PTPRD: variants seen among roughly 807,000 people sequenced by gnomAD.
PTPRD encodes the protein receptor-type tyrosine-protein phosphatase delta.
Under a neutral mutation model 214.5 loss-of-function variants are expected in PTPRD, and 34 were observed. The ratio of observed to expected loss-of-function variants is 0.16; its 90% CI spans 0.12 to 0.21. The LOEUF is 0.21. Ranked by LOEUF, PTPRD falls within the 10% of genes least tolerant of loss-of-function variation. The pLI is 1.00. For synonymous variants in PTPRD, 1,128 were observed against 845.7 expected (o/e 1.33, Z -5.79); for missense variants, 2,545 against 2,398.7 (o/e 1.06, Z -1.27).
chr9:8,927,223 T>C (rs915784361), intron 11 of PTPRD, among the ~76,000 whole-genome samples: 1 of 152,150 alleles, frequency 6.6e-6, no homozygotes, highest in African/African-American at 2.4e-5. Flanking sequence ...CTCATATTTA[T>C]TTATTTATTT....
At chr9:9,327,378 C>G (rs892577181) in intron 9 of PTPRD, among the ~76,000 whole-genome samples, 2 of 152,042 alleles carry the variant, frequency 1.3e-5, no homozygotes, top group African/African-American at 4.8e-5. Flanking sequence ...GAAATGGAAA[C>G]AGTTATTTGA....
At chr9:8,724,261 C>G (rs2098533929) in intron 12 of PTPRD, among the ~76,000 whole-genome samples, 1 of 152,158 alleles carries the variant, frequency 6.6e-6, no homozygotes, top group African/African-American at 2.4e-5. Flanking sequence ...CTTTAGGTCC[C>G]TTCTTAACAT....
At chr9:9,361,956 C>T (rs1303032146) in intron 9 of PTPRD, among the ~76,000 whole-genome samples, 1 of 151,016 alleles carries the variant, frequency 6.6e-6, no homozygotes, top group African/African-American at 2.4e-5. Context: ...TGGATATTTA[C>T]CATAATAATT....
intron 7 of PTPRD, among the ~76,000 whole-genome samples, chr9:9,630,897 A>C (rs969088754): frequency 2.0e-5 from 3 of 152,220 alleles, no homozygotes; most frequent in African/African-American, 7.2e-5. Flanking sequence ...TTTGTCAATT[A>C]AAACATAAGG....
At chr9:9,249,257 C>T (rs926889246) in intron 9 of PTPRD, among the ~76,000 whole-genome samples, 8 of 151,966 alleles carry the variant, frequency 5.3e-5, no homozygotes, top group African/African-American at 1.9e-4. Context: ...GCTCCTCCTT[C>T]GACTTCCATC....
intron 2 of PTPRD, among the ~76,000 whole-genome samples, chr9:10,468,011 G>T (rs765118408): frequency 6.6e-6 from 1 of 152,154 alleles, no homozygotes; most frequent in Non-Finnish European, 1.5e-5. Flanking sequence ...ACAGAGGCTG[G>T]AAAGGATGTG....
intron 2 of PTPRD, among the ~76,000 whole-genome samples, chr9:10,533,386 A>T (rs749293107): frequency 6.6e-6 from 1 of 152,164 alleles, no homozygotes; most frequent in Non-Finnish European, 1.5e-5. Context: ...GACAAGGAAA[A>T]ATATTCTTAT....
intron 5 of PTPRD, among the ~76,000 whole-genome samples, chr9:9,857,755 C>T (rs1432712084): frequency 6.6e-6 from 1 of 152,200 alleles, no homozygotes; most frequent in East Asian, 1.9e-4. Flanking sequence ...AGGGCAAACA[C>T]TCCTCACGGA....
chr9:8,370,223 CACACACACACACACATAT>C (rs1201826581), intron 39 of PTPRD, among the ~76,000 whole-genome samples: 2 of 81,806 alleles, frequency 2.4e-5, no homozygotes, highest in East Asian at 5.4e-4. Context: ...CACACACACA[CACACACACACACACATAT>C]ATATATATGT....
At chr9:9,169,524 G>A (rs1554899747) in intron 10 of PTPRD, among the ~76,000 whole-genome samples, 1 of 152,054 alleles carries the variant, frequency 6.6e-6, no homozygotes, top group Non-Finnish European at 1.5e-5. Context: ...AAATGAGGTA[G>A]GCCCTGGCTA....
intron 3 of PTPRD, among the ~76,000 whole-genome samples, chr9:10,163,585 A>G (rs1406551451): frequency 6.6e-6 from 1 of 151,462 alleles, no homozygotes; most frequent in African/African-American, 2.4e-5. Context: ...TCATGCTATC[A>G]GTTTATTTTC....
At chr9:8,776,856 A>C (rs1371012343) in intron 11 of PTPRD, among the ~76,000 whole-genome samples, 1 of 147,632 alleles carries the variant, frequency 6.8e-6, no homozygotes, top group Non-Finnish European at 1.5e-5. Context: ...TAATATAAAA[A>C]TATTATATAA....
chr9:8,649,323 T>A (rs565263996), intron 12 of PTPRD, among the ~76,000 whole-genome samples: 1 of 152,354 alleles, frequency 6.6e-6, no homozygotes, highest in South Asian at 2.1e-4. Flanking sequence ...AACGCTTGCC[T>A]TCCAACCAAA....
At chr9:10,482,160 A>G (rs527257159) in intron 2 of PTPRD, among the ~76,000 whole-genome samples, 5 of 152,030 alleles carry the variant, frequency 3.3e-5, no homozygotes, top group Non-Finnish European at 7.4e-5. Context: ...TCACGAGGTC[A>G]GGAGATTGAG....
chr9:10,341,857 T>G (rs1037097651), intron 2 of PTPRD, among the ~76,000 whole-genome samples: 5 of 151,168 alleles, frequency 3.3e-5, no homozygotes, highest in African/African-American at 4.9e-5. Flanking sequence ...TCCTTTTATG[T>G]AGTTCCATAT....
chr9:9,237,392 T>C (rs2134173497), intron 9 of PTPRD, among the ~76,000 whole-genome samples: 1 of 152,292 alleles, frequency 6.6e-6, no homozygotes, highest in Non-Finnish European at 1.5e-5. Flanking sequence ...ATCATGCCAC[T>C]GTACTCTAGC....
chr9:10,281,652 C>A (rs1185529990), intron 3 of PTPRD, among the ~76,000 whole-genome samples: 1 of 152,070 alleles, frequency 6.6e-6, no homozygotes, highest in African/African-American at 2.4e-5. Flanking sequence ...AGTAATAGAC[C>A]ATACATATGT....
intron 8 of PTPRD, among the ~76,000 whole-genome samples, chr9:9,484,640 T>G (rs1012541420): frequency 6.6e-6 from 1 of 152,176 alleles, no homozygotes; most frequent in Non-Finnish European, 1.5e-5. Context: ...ATTTAATCCT[T>G]GCAACAACTC....
chr9:8,724,912 T>C (rs983259615), intron 12 of PTPRD, among the ~76,000 whole-genome samples: 2 of 152,190 alleles, frequency 1.3e-5, no homozygotes, highest in African/African-American at 4.8e-5. Context: ...CACTCCAGCC[T>C]GGATAACAGA....
Sources: allele counts gnomAD v4.1 joint callset (sites outside exome capture counted in the v4.1 genomes callset), GRCh38; gene constraint gnomAD v4.1.1; transcripts MANE v1.5; gene names NCBI Gene and HGNC (gene_info 2026-07-23, HGNC 2026-07-21).